CELF4: variants seen among roughly 807,000 people sequenced by gnomAD.
CELF4 encodes CUG-BP- and ETR-3-like factor 4.
Under a neutral mutation model 59.9 loss-of-function variants are expected in CELF4, and 18 were observed. The ratio of observed to expected loss-of-function variants is 0.30; its 90% CI spans 0.21 to 0.45. The LOEUF is 0.45. Ranked by LOEUF, CELF4 falls within the 20% of genes least tolerant of loss-of-function variation. The pLI is 1.00. For synonymous variants in CELF4, 261 were observed against 267.1 expected (o/e 0.98, Z 0.22); for missense variants, 456 against 689.0 (o/e 0.66, Z 3.79).
chr18:37,406,925 C>T (rs1042490328), intron 2 of CELF4, among the ~76,000 whole-genome samples: 1 of 152,108 alleles, frequency 6.6e-6, no homozygotes, highest in South Asian at 2.1e-4. Context: ...TGAAGGAGAC[C>T]AGTCTGAACA....
chr18:37,529,567 A>G (rs2099967372), intron 1 of CELF4, among the ~76,000 whole-genome samples: 2 of 152,216 alleles, frequency 1.3e-5, no homozygotes, highest in Non-Finnish European at 2.9e-5. Flanking sequence ...GTAGGAAAGG[A>G]AGCTCCAATA....
At chr18:37,255,963 C>T (rs971177120) in intron 11 of CELF4, among the ~76,000 whole-genome samples, 1 of 152,154 alleles carries the variant, frequency 6.6e-6, no homozygotes, top group African/African-American at 2.4e-5. Context: ...GTTTAGAGGT[C>T]CTCGGAAGCC....
intron 10 of CELF4, among the ~76,000 whole-genome samples, chr18:37,259,730 G>T (rs1056147351): frequency 6.6e-6 from 1 of 152,122 alleles, no homozygotes; most frequent in South Asian, 2.1e-4. Flanking sequence ...TTCCCTTCTC[G>T]CAGGCCAGTC....
intron 10 of CELF4, among the ~76,000 whole-genome samples, chr18:37,262,043 C>CA (rs2074891287): frequency 6.6e-6 from 1 of 152,214 alleles, no homozygotes; most frequent in Non-Finnish European, 1.5e-5. Context: ...TCCCTGGCCC[C>CA]ATGCTCACCT....
chr18:37,412,280 T>A (rs1283496081), intron 2 of CELF4, among the ~76,000 whole-genome samples: 2 of 152,198 alleles, frequency 1.3e-5, no homozygotes, highest in Non-Finnish European at 2.9e-5. Context: ...TCTGGTGCTG[T>A]CTGAGGATAC....
At chr18:37,429,255 T>C (rs950981611) in intron 2 of CELF4, among the ~76,000 whole-genome samples, 2 of 152,168 alleles carry the variant, frequency 1.3e-5, no homozygotes, top group African/African-American at 2.4e-5. Context: ...GGACCCTCTA[T>C]GGGTGTGGCC....
At chr18:37,307,014 G>C (rs539194704) in intron 3 of CELF4, among the ~76,000 whole-genome samples, 64 of 152,268 alleles carry the variant, frequency 4.2e-4, no homozygotes, top group African/African-American at 1.5e-3. Context: ...TTAGGCATGG[G>C]GGCAGGTGGG....
At position 37,245,605 on chromosome 18, in the gene CELF4, G is replaced by A. The variant is rs924655810; in HGVS notation, c.*45-408C>T. Among the ~76,000 whole-genome samples, 1 of 152,020 alleles carries A rather than the reference G, an allele frequency of 6.6e-6. No individual in the cohort carries two copies. Among genetic ancestry groups the A allele is most frequent in the Non-Finnish European group, 1.5e-5 (1 of 68,004 alleles). Reference sequence around the variant, plus strand: ...ATACAGAAGCCTAGCAAACAAGATAGGAAAAATCTAGCAGCCCAGCCCACT... The same window carrying A: ...ATACAGAAGCCTAGCAAACAAGATAAGAAAAATCTAGCAGCCCAGCCCACT... On this transcript the variant is annotated intron_variant, in intron 12 of 12. Transcript: ENST00000420428. The surrounding 1 kb of genome is among the most constrained non-coding windows in gnomAD (Gnocchi z 4.1).
At chr18:37,451,176 G>T (rs1341069482) in intron 2 of CELF4, among the ~76,000 whole-genome samples, 1 of 152,242 alleles carries the variant, frequency 6.6e-6, no homozygotes, top group East Asian at 1.9e-4. Flanking sequence ...AGGGGACAGA[G>T]TGGTGGCTCC....
At chr18:37,479,306 G>C (rs932053826) in intron 2 of CELF4, among the ~76,000 whole-genome samples, 2 of 152,204 alleles carry the variant, frequency 1.3e-5, no homozygotes, top group Non-Finnish European at 2.9e-5. Flanking sequence ...AGGGAGGAAC[G>C]CTCTGCCCCA....
At chr18:37,516,161 C>T (rs1464915140) in intron 1 of CELF4, among the ~76,000 whole-genome samples, 1 of 152,180 alleles carries the variant, frequency 6.6e-6, no homozygotes, top group Non-Finnish European at 1.5e-5. Context: ...ACTGGCTTCT[C>T]ATCATCCTAA....
At chr18:37,389,141 C>G (rs1445015759) in intron 2 of CELF4, among the ~76,000 whole-genome samples, 1 of 152,170 alleles carries the variant, frequency 6.6e-6, no homozygotes, top group Non-Finnish European at 1.5e-5. Context: ...GGAGATGCAC[C>G]TGAAACATGG....
chr18:37,320,621 G>A (rs538862612), intron 3 of CELF4, among the ~76,000 whole-genome samples: 6 of 152,180 alleles, frequency 3.9e-5, no homozygotes, highest in South Asian at 2.1e-4. Context: ...GTCTCTACTC[G>A]GGGGTCCTTC....
chr18:37,433,687 TG>T (rs1392937624), intron 2 of CELF4, among the ~76,000 whole-genome samples: 22 of 152,116 alleles, frequency 1.4e-4, no homozygotes, highest in Non-Finnish European at 2.8e-4. Context: ...GAGCTCCCTG[TG>T]GGGAGGAGTA....
chr18:37,310,139 C>T (rs535224610), intron 3 of CELF4, among the ~76,000 whole-genome samples: 1 of 152,024 alleles, frequency 6.6e-6, no homozygotes, highest in East Asian at 1.9e-4. Flanking sequence ...CATAGTTCAC[C>T]AACTATGTTT....
intron 2 of CELF4, among the ~76,000 whole-genome samples, chr18:37,382,650 GC>G (rs1339698327): frequency 2.6e-5 from 4 of 152,216 alleles, no homozygotes; most frequent in African/African-American, 4.8e-5. Context: ...CAAGCAGGCT[GC>G]CTTTTTCTCT....
chr18:37,362,290 C>T (rs1480458731), intron 2 of CELF4, among the ~76,000 whole-genome samples: 1 of 152,198 alleles, frequency 6.6e-6, no homozygotes, highest in African/African-American at 2.4e-5. Context: ...CGCTCCTCCT[C>T]CTCCTCTTAC....
chr18:37,527,428 C>T (rs149751783), intron 1 of CELF4, among the ~76,000 whole-genome samples: 3 of 152,200 alleles, frequency 2.0e-5, no homozygotes, highest in African/African-American at 7.2e-5. Flanking sequence ...TTAGAACCCT[C>T]CATTTTCCAA....
intron 1 of CELF4, among the ~76,000 whole-genome samples, chr18:37,550,854 C>T (rs2099982981): frequency 6.6e-6 from 1 of 152,242 alleles, no homozygotes. Context: ...GGACTGGGCT[C>T]TAAAAGGTCC....
Sources: allele counts gnomAD v4.1 joint callset (sites outside exome capture counted in the v4.1 genomes callset), GRCh38; gene constraint gnomAD v4.1.1; non-coding constraint Gnocchi (gnomAD v3.1); transcripts MANE v1.5; gene names NCBI Gene and HGNC (gene_info 2026-07-23, HGNC 2026-07-21).